Variants in OR7D4 observed in about 807,000 individuals in gnomAD.
OR7D4 encodes the protein olfactory receptor family 7 subfamily D member 4, also known as olfactory receptor 7D4.
For missense variants in OR7D4, 319 were observed against 377.1 expected, an observed-to-expected ratio of 0.85 and a Z score of 1.27; for synonymous variants, 154 against 158.4, an observed-to-expected ratio of 0.97 and a Z score of 0.21.
At position 9,213,556 on chromosome 19, in the gene OR7D4, G is replaced by A. The variant is rs1317222910; in HGVS notation, c.*343C>T. 1 of 267,530 alleles carries A rather than the reference G, an allele frequency of 3.7e-6. No individual in the cohort carries two copies. The highest frequency in any genetic ancestry group is 2.2e-5 in the African/African-American group (1 of 44,486). 16.6% of individuals were successfully genotyped at this position (267,530 alleles called of 1,614,324 possible). On this transcript the variant is annotated 3_prime_UTR_variant, in exon 2 of 2. Transcript: ENST00000641669. ...AGTTCCAGACCAGCCTGAACAGTAT[G>A]GTGGAACCCTGTCTCTACTAAAAAT...
At position 9,212,494 on chromosome 19, in the gene OR7D4, T is replaced by C. The variant is rs2051178994; in HGVS notation, c.*1405A>G. 6.6e-6 allele frequency: 1 copy of C among 152,144 alleles called. No homozygotes were observed. The highest frequency in any genetic ancestry group is 1.5e-5 in the Non-Finnish European group (1 of 68,032). The allele number at this position is 152,144 out of a possible 1,614,324, so 9.4% of individuals were successfully genotyped here. On this transcript the variant is annotated 3_prime_UTR_variant, in exon 2 of 2. Coordinates refer to ENST00000641669, the MANE Select transcript of OR7D4 (RefSeq NM_001005191.3). ...TCAAAATGATAATATCTTTATGATA[T>C]AGAATACAATGGCCCGGAAATCAAG...
At position 9,212,499 on chromosome 19, in the gene OR7D4, T is replaced by C. The variant is rs954376280; in HGVS notation, c.*1400A>G. ...ATGATAATATCTTTATGATATAGAA[T>C]ACAATGGCCCGGAAATCAAGAGTTG... On this transcript the variant is annotated 3_prime_UTR_variant, in exon 2 of 2. Coordinates refer to ENST00000641669, the MANE Select transcript of OR7D4 (RefSeq NM_001005191.3). The C allele has an allele frequency of 3.3e-5, 5 of 152,276 alleles. No individual in the cohort carries two copies. The highest frequency in any genetic ancestry group is 9.6e-5 in the African/African-American group (4 of 41,562). The allele number at this position is 152,276 out of a possible 1,614,324, so 9.4% of individuals were successfully genotyped here. A position where few individuals can be genotyped will look rare whatever the true frequency, so the allele number is the denominator to read the frequency against.
intron 1 of OR7D4, among the ~76,000 whole-genome samples, chr19:9,218,053 G>A (rs914293914): frequency 4.6e-5 from 7 of 152,090 alleles, no homozygotes; most frequent in Admixed American, 4.6e-4. Context: ...TTTCACATTG[G>A]TCAACTTATA....
At position 9,212,040 on chromosome 19, in the gene OR7D4, A is replaced by G. The variant is rs1453269286; in HGVS notation, c.*1859T>C. The stretch of plus-strand genomic sequence containing the variant: ...TCCTCTTCTACTTTTATTTTTCTTT[A>G]AAAATGTTTTAAAACATTTTTAATT... On this transcript the variant is annotated 3_prime_UTR_variant, in exon 2 of 2. Transcript: ENST00000641669. 2.0e-5 allele frequency: 3 copies of G among 152,120 alleles called. No homozygotes were observed. Among genetic ancestry groups the G allele is most frequent in the Non-Finnish European group, 2.9e-5 (2 of 68,024 alleles). 9.4% of individuals were successfully genotyped at this position (152,120 alleles called of 1,614,324 possible).
intron 1 of OR7D4, among the ~76,000 whole-genome samples, chr19:9,215,889 G>A (rs1375866910): frequency 6.6e-6 from 1 of 152,088 alleles, no homozygotes; most frequent in African/African-American, 2.4e-5. Context: ...TGCTGATAAA[G>A]ACATACCTGA....
Position 9,214,178 on chromosome 19 carries a change from CTG to C in OR7D4, c.658_659del (p.Gln220AspfsTer115), listed in dbSNP as rs1158939955. Reference protein sequence around the residue: ...PVAGILFSYSQIVSSLMGMSS... With the variant: ...PVAGILFSYSXIVSSLMGMSS... ...ACATTCCCATTAAGGAGGAGACAAT[CTG>C]AGAGTAGGAGAAGAGGATCCCAGCT... On this transcript the variant is annotated frameshift_variant, in exon 2 of 2. Transcript: ENST00000641669. LOFTEE classifies it low-confidence loss of function (END_TRUNC). 3.7e-6 allele frequency: 6 copies of C among 1,614,022 alleles called. No individual in the cohort carries two copies. The highest frequency in any genetic ancestry group is 1.7e-5 in the Admixed American group (1 of 60,002).
Position 9,214,802 on chromosome 19 carries a change from A to G in OR7D4, c.36T>C (p.Phe12=). 1 of 1,610,510 alleles carries G rather than the reference A, an allele frequency of 6.2e-7. No homozygotes were observed. Among genetic ancestry groups the G allele is most frequent in the Non-Finnish European group, 8.5e-7 (1 of 1,178,366 alleles). The change falls in exon 2 of 2, where the codon TTT becomes TTC. Residue 12 remains phenylalanine (F), a synonymous_variant. Coordinates refer to ENST00000641669, the MANE Select transcript of OR7D4 (RefSeq NM_001005191.3). ...EAENLTELSK[F]LLLGLSDDPE... is the part of the protein sequence containing the mutation. ...GATCATCTGAGAGTCCCAGGAGGAG[A>G]AATTTTGATAATTCTGTAAGGTTTT...
rs1280455083 is a variant in OR7D4 at position 9,210,446 on chromosome 19, A to T, written c.*3453T>A. 6.6e-6 allele frequency: 1 copy of T among 152,388 alleles called. No homozygotes were observed. The highest frequency in any genetic ancestry group is 1.5e-5 in the Non-Finnish European group (1 of 68,250). 9.4% of individuals were successfully genotyped at this position (152,388 alleles called of 1,614,324 possible). A position where few individuals can be genotyped will look rare whatever the true frequency, so the allele number is the denominator to read the frequency against. ...ACATAGCAAGACTCCATCTCTACAA[A>T]AAAATAAAATAAAATAAATTACCTG... On this transcript the variant is annotated 3_prime_UTR_variant, in exon 2 of 2. Coordinates refer to ENST00000641669, the MANE Select transcript of OR7D4 (RefSeq NM_001005191.3).
chr19:9,219,050 A>C (rs890262300), intron 1 of OR7D4, 150 bp downstream of exon 1: 1 of 152,216 alleles, frequency 6.6e-6, no homozygotes, highest in African/African-American at 2.4e-5. Flanking sequence ...CATAACAGCT[A>C]GTAAGTGCTG....
chr19:9,212,676 G>C lies in OR7D4; in HGVS notation c.*1223C>G, dbSNP rs1382078339. On this transcript the variant is annotated 3_prime_UTR_variant, in exon 2 of 2. Transcript: ENST00000641669. Reference sequence around the variant, plus strand: ...CTCATTCTGGCCAGTATATTACTAGGAACCATTTGACCCAACCAGCTTTCA... The same window carrying C: ...CTCATTCTGGCCAGTATATTACTAGCAACCATTTGACCCAACCAGCTTTCA... 6.6e-6 allele frequency: 1 copy of C among 152,120 alleles called. No homozygotes were observed. Among genetic ancestry groups the C allele is most frequent in the Non-Finnish European group, 1.5e-5 (1 of 68,036 alleles). The allele number at this position is 152,120 out of a possible 1,614,324, so 9.4% of individuals were successfully genotyped here.
rs2051186115 is a variant in OR7D4 at position 9,213,547 on chromosome 19, G to T, written c.*352C>A. 8.2e-6 allele frequency: 2 copies of T among 242,726 alleles called. No individual in the cohort carries two copies. The highest frequency in any genetic ancestry group is 1.6e-5 in the Non-Finnish European group (2 of 124,898). 15.0% of individuals were successfully genotyped at this position (242,726 alleles called of 1,614,324 possible). On this transcript the variant is annotated 3_prime_UTR_variant, in exon 2 of 2. Coordinates refer to ENST00000641669, the MANE Select transcript of OR7D4 (RefSeq NM_001005191.3). ...GAGGTCAGGAGTTCCAGACCAGCCT[G>T]AACAGTATGGTGGAACCCTGTCTCT... is the stretch of plus-strand genomic sequence containing the variant.
chr19:9,211,529 A>G lies in OR7D4; in HGVS notation c.*2370T>C, dbSNP rs2051172339. ...AAGTAAAATAGAAAGTCCTCCTTAG[A>G]AACATAAATCTGAACTTCAAGAATG... On this transcript the variant is annotated 3_prime_UTR_variant, in exon 2 of 2. Transcript: ENST00000641669. The G allele has an allele frequency of 6.6e-6, 1 of 152,188 alleles. No homozygotes were observed. Among genetic ancestry groups the G allele is most frequent in the African/African-American group, 2.4e-5 (1 of 41,452 alleles). 9.4% of individuals were successfully genotyped at this position (152,188 alleles called of 1,614,324 possible). A position where few individuals can be genotyped will look rare whatever the true frequency, so the allele number is the denominator to read the frequency against.
Position 9,214,695 on chromosome 19 carries a change from G to T in OR7D4, c.143C>A (p.Ala48Asp), listed in dbSNP as rs2051198824. The change falls in exon 2 of 2, where the codon GCC becomes GAC. Residue 48 changes from alanine (A) to aspartate (D), a missense_variant. By Grantham distance (126) the Ala-to-Asp change is moderately radical. Coordinates refer to ENST00000641669, the MANE Select transcript of OR7D4 (RefSeq NM_001005191.3). ...GTGGAGGTGGGAGTCAGAGCTGACG[G>T]CCAGAATGATGAGCAGGTTCCCCAG... Reference protein sequence around the residue: ...TVLGNLLIILAVSSDSHLHTP... With the variant: ...TVLGNLLIILDVSSDSHLHTP... The T allele has an allele frequency of 6.2e-7, 1 of 1,613,998 alleles. No individual in the cohort carries two copies. The highest frequency in any genetic ancestry group is 1.3e-5 in the African/African-American group (1 of 74,906).
chr19:9,216,303 T>G (rs1266862602), intron 1 of OR7D4, among the ~76,000 whole-genome samples: 1 of 152,180 alleles, frequency 6.6e-6, no homozygotes, highest in Non-Finnish European at 1.5e-5. Flanking sequence ...GATGAAGAGG[T>G]TGACCTTCTC....
rs915366051 is a variant in OR7D4 at position 9,213,429 on chromosome 19, A to T, written c.*470T>A. 7 of 140,778 alleles carry T rather than the reference A, an allele frequency of 5.0e-5. No homozygotes were observed. Among genetic ancestry groups the T allele is most frequent in the African/African-American group, 2.1e-4 (7 of 33,008 alleles). The allele number at this position is 140,778 out of a possible 1,614,324, so 8.7% of individuals were successfully genotyped here. A position where few individuals can be genotyped will look rare whatever the true frequency, so the allele number is the denominator to read the frequency against. The stretch of plus-strand genomic sequence containing the variant: ...GCAAAATCATAGTTGTTTTTGATTA[A>T]AAAAAAAAAGAAAAGAAAGAAACAC... On this transcript the variant is annotated 3_prime_UTR_variant, in exon 2 of 2. Transcript: ENST00000641669.
rs1010117488 is a variant in OR7D4 at position 9,216,754 on chromosome 19, G to C, written c.-13-1904C>G. Reference sequence around the variant, plus strand: ...CCACAGGCATGCACCACCATGCCCAGCTAATTTTTCTATTTTTAGTAGAGA... The same window carrying C: ...CCACAGGCATGCACCACCATGCCCACCTAATTTTTCTATTTTTAGTAGAGA... On this transcript the variant is annotated intron_variant, in intron 1 of 1. Coordinates refer to ENST00000641669, the MANE Select transcript of OR7D4 (RefSeq NM_001005191.3). Among the ~76,000 whole-genome samples the C allele has an allele frequency of 2.6e-5, 4 of 152,102 alleles. No homozygotes were observed. In the South Asian group the frequency reaches 8.3e-4, roughly 31 times the overall value.
At position 9,213,879 on chromosome 19, in the gene OR7D4, A is replaced by T; in HGVS notation, c.*20T>A. ...TTAGGGGTACGCAGTGTGTCCTCTTAGTTCTGAGGCCCTGATTTGTCATGG... is the reference window on the plus strand; with the variant it reads ...TTAGGGGTACGCAGTGTGTCCTCTTTGTTCTGAGGCCCTGATTTGTCATGG... On this transcript the variant is annotated 3_prime_UTR_variant, in exon 2 of 2. Transcript: ENST00000641669. The T allele has an allele frequency of 6.3e-7, 1 of 1,576,438 alleles. No individual in the cohort carries two copies. The highest frequency in any genetic ancestry group is 8.7e-7 in the Non-Finnish European group (1 of 1,147,212).
intron 1 of OR7D4, among the ~76,000 whole-genome samples, chr19:9,217,621 C>T (rs376727684): frequency 1.3e-5 from 2 of 152,158 alleles, no homozygotes; most frequent in Non-Finnish European, 2.9e-5. Flanking sequence ...TCACTGCAAC[C>T]TCTGCCTCCC....
At position 9,211,521 on chromosome 19, in the gene OR7D4, C is replaced by T. The variant is rs972755401; in HGVS notation, c.*2378G>A. 1 of 152,044 alleles carries T rather than the reference C, an allele frequency of 6.6e-6. No homozygotes were observed. Among genetic ancestry groups the T allele is most frequent in the Non-Finnish European group, 1.5e-5 (1 of 68,004 alleles). 9.4% of individuals were successfully genotyped at this position (152,044 alleles called of 1,614,324 possible). The stretch of plus-strand genomic sequence containing the variant: ...AGTATAGAAAGTAAAATAGAAAGTC[C>T]TCCTTAGAAACATAAATCTGAACTT... On this transcript the variant is annotated 3_prime_UTR_variant, in exon 2 of 2. Coordinates refer to ENST00000641669, the MANE Select transcript of OR7D4 (RefSeq NM_001005191.3).
Sources: gnomAD v4.1 joint callset for allele counts (sites outside exome capture counted in the v4.1 genomes callset) on GRCh38, gnomAD v4.1.1 for gene constraint, MANE v1.5 for transcripts, NCBI Gene and HGNC (gene_info 2026-07-23, HGNC 2026-07-21) for gene names.